WDR49: variants seen among roughly 807,000 people sequenced by gnomAD.
WDR49 encodes the protein WD repeat domain 49.
A neutral mutation model predicts 119.5 loss-of-function variants in WDR49; 107 were observed. The ratio of observed to expected loss-of-function variants is 0.90; its 90% CI spans 0.77 to 1.05. WDR49 has a LOEUF of 1.05. Among genes scored for constraint, WDR49 ranks in the 50% least tolerant of loss-of-function variants. WDR49 has a pLI of 0.00. For missense variants in WDR49, 1,240 were observed against 1,220.5 expected, an observed-to-expected ratio of 1.02 and a Z score of -0.24; for synonymous variants, 425 against 418.8, an observed-to-expected ratio of 1.01 and a Z score of -0.18.
chr3:167,511,882 C>T (rs911075415), intron 16 of WDR49, among the ~76,000 whole-genome samples: 5 of 152,196 alleles, frequency 3.3e-5, no homozygotes, highest in African/African-American at 1.2e-4. Flanking sequence ...CGGATCCATC[C>T]CTCCTCTTTG....
chr3:167,616,746 T>C (rs1443512703), intron 5 of WDR49, among the ~76,000 whole-genome samples: 1 of 152,038 alleles, frequency 6.6e-6, no homozygotes, highest in Non-Finnish European at 1.5e-5. Flanking sequence ...TTTTAACCAG[T>C]ATAAAGACAT....
intron 2 of WDR49, among the ~76,000 whole-genome samples, chr3:167,630,378 C>T (rs1440817359): frequency 6.6e-6 from 1 of 152,086 alleles, no homozygotes; most frequent in Non-Finnish European, 1.5e-5. Context: ...ACATTTAATA[C>T]CCTACAGTAT....
chr3:167,527,541 A>G (rs922712506), intron 15 of WDR49, among the ~76,000 whole-genome samples: 1 of 152,070 alleles, frequency 6.6e-6, no homozygotes, highest in African/African-American at 2.4e-5. Context: ...AATTGAAGAA[A>G]TTTATTCTAG....
At chr3:167,640,358 G>A (rs116285539) in intron 2 of WDR49, among the ~76,000 whole-genome samples, 43 of 151,726 alleles carry the variant, frequency 2.8e-4, no homozygotes, top group African/African-American at 9.9e-4. Flanking sequence ...ACCATCTTCC[G>A]TTGACATTGC....
At chr3:167,566,380 C>T (rs991414748) in intron 8 of WDR49, among the ~76,000 whole-genome samples, 7 of 152,094 alleles carry the variant, frequency 4.6e-5, no homozygotes, top group Admixed American at 3.3e-4. Flanking sequence ...TACTATGCAT[C>T]TGTGAAAATG....
At chr3:167,516,595 G>A (rs1364898437) in intron 16 of WDR49, among the ~76,000 whole-genome samples, 7 of 152,040 alleles carry the variant, frequency 4.6e-5, no homozygotes, top group Non-Finnish European at 1.0e-4. Flanking sequence ...CATGATATAT[G>A]ATCCTTTGGG....
intron 18 of WDR49, among the ~76,000 whole-genome samples, chr3:167,499,127 T>G (rs776593174): frequency 3.3e-5 from 5 of 152,102 alleles, no homozygotes; most frequent in African/African-American, 4.8e-5. Context: ...TGATAATAAT[T>G]AGACTGTAAA....
chr3:167,482,505 TAAA>T (rs35181099), intron 18 of WDR49, among the ~76,000 whole-genome samples: 1 of 137,996 alleles, frequency 7.2e-6, no homozygotes. Context: ...CCGTCTCTAC[TAAA>T]AAAAAAAAAA....
chr3:167,567,038 G>A, intron 8 of WDR49: 1 of 450,138 alleles, frequency 2.2e-6, no homozygotes. Flanking sequence ...TGTAATTTCT[G>A]TCGGACTTTT....
intron 2 of WDR49, among the ~76,000 whole-genome samples, chr3:167,633,141 A>T (rs555493954): frequency 2.8e-4 from 43 of 151,470 alleles, no homozygotes; most frequent in African/African-American, 9.2e-4. Flanking sequence ...AGGTGTTCAT[A>T]ATTATTAATA....
chr3:167,656,919 A>G (rs1159145997), upstream of WDR49, among the ~76,000 whole-genome samples: 1 of 152,186 alleles, frequency 6.6e-6, no homozygotes, highest in East Asian at 1.9e-4. Flanking sequence ...TAGGGATCAG[A>G]CAACACCTGC....
chr3:167,656,025 C>A (rs1320390273), upstream of WDR49, among the ~76,000 whole-genome samples: 1 of 152,170 alleles, frequency 6.6e-6, no homozygotes, highest in Non-Finnish European at 1.5e-5. Context: ...CCGTCTAGCT[C>A]ATCTTTAATG....
chr3:167,608,141 G>T (rs1475944778), intron 5 of WDR49, among the ~76,000 whole-genome samples: 2 of 152,048 alleles, frequency 1.3e-5, no homozygotes, highest in African/African-American at 4.8e-5. Context: ...AAATCTGATG[G>T]CAATGATTCT....
Position 167,639,877 on chromosome 3 carries a change from C to A in WDR49, c.166-12585G>T, listed in dbSNP as rs1298899581. On this transcript the variant is annotated intron_variant, in intron 2 of 18. Coordinates refer to ENST00000682715, the MANE Select transcript of WDR49 (RefSeq NM_001366157.1). ...CATCCTCTCTGTGCCTATACCTAGG[C>A]TGCTGAACACTAATGGACAGGGCAG... 5.3e-5 allele frequency among the ~76,000 whole-genome samples: 8 copies of A among 151,750 alleles called. No individual in the cohort carries two copies. In the Admixed American group the frequency reaches 5.3e-4, roughly 10 times the overall value.
At chr3:167,625,356 A>C (rs527308297) in intron 3 of WDR49, among the ~76,000 whole-genome samples, 2 of 152,168 alleles carry the variant, frequency 1.3e-5, no homozygotes, top group African/African-American at 4.8e-5. Flanking sequence ...GATTAAAACA[A>C]ATAAAAAATT....
intron 8 of WDR49, among the ~76,000 whole-genome samples, chr3:167,572,484 T>C (rs1475944560): frequency 1.3e-5 from 2 of 151,964 alleles, no homozygotes; most frequent in Admixed American, 6.6e-5. Context: ...AAAGGGAAAA[T>C]GTTCAAGAAA....
chr3:167,618,666 C>G (rs1210474653), intron 5 of WDR49, among the ~76,000 whole-genome samples: 1 of 152,130 alleles, frequency 6.6e-6, no homozygotes, highest in Non-Finnish European at 1.5e-5. Flanking sequence ...TAGCCAATTC[C>G]TACTTTGCAG....
chr3:167,563,361 AAAAAAAAAAAAAAAAAG>A (rs948434507), intron 8 of WDR49, among the ~76,000 whole-genome samples: 1 of 144,080 alleles, frequency 6.9e-6, no homozygotes, highest in Admixed American at 6.9e-5. Flanking sequence ...ATCAAAAAAA[AAAAAAAAAAAAAAAAAG>A]AAAGAAACCT....
intron 7 of WDR49, among the ~76,000 whole-genome samples, chr3:167,576,393 G>C (rs1714254840): frequency 6.6e-6 from 1 of 152,102 alleles, no homozygotes; most frequent in African/African-American, 2.4e-5. Context: ...CCTGGTATAA[G>C]GCTTGGCATT....
Sources: allele counts gnomAD v4.1 joint callset (sites outside exome capture counted in the v4.1 genomes callset), GRCh38; gene constraint gnomAD v4.1.1; transcripts MANE v1.5; gene names NCBI Gene and HGNC (gene_info 2026-07-23, HGNC 2026-07-21).